The following COL25A1 variants were observed in gnomAD, a reference collection of about 807,000 sequenced individuals.
COL25A1 encodes the protein collagen type XXV alpha 1 chain.
COL25A1 carries 103 observed loss-of-function variants against 128.4 expected under a neutral mutation model. The observed-to-expected ratio is 0.80, with a 90% CI of 0.68 to 0.94. The LOEUF (loss-of-function observed/expected upper bound fraction) is 0.94, where lower values mean the gene tolerates loss of function less well. Among genes scored for constraint, COL25A1 ranks in the 40% least tolerant of loss-of-function variants. COL25A1 has a pLI of 0.00. For missense variants in COL25A1, 745 were observed against 840.0 expected (o/e 0.89, Z 1.40); for synonymous variants, 279 against 277.2 (o/e 1.01, Z -0.06).
intron 3 of COL25A1, among the ~76,000 whole-genome samples, chr4:109,124,408 T>C (rs1229587005): frequency 6.6e-6 from 1 of 152,082 alleles, no homozygotes; most frequent in East Asian, 1.9e-4. Flanking sequence ...TTAAAATATA[T>C]GATTTTGTGA....
intron 19 of COL25A1, among the ~76,000 whole-genome samples, chr4:108,870,817 T>C (rs1333312262): frequency 6.6e-6 from 1 of 152,230 alleles, no homozygotes; most frequent in East Asian, 1.9e-4. Context: ...TGGTAACAAC[T>C]TACTGTCAGG....
chr4:109,126,247 G>T (rs994871996), intron 3 of COL25A1, among the ~76,000 whole-genome samples: 14 of 152,054 alleles, frequency 9.2e-5, no homozygotes, highest in Non-Finnish European at 5.9e-5. Flanking sequence ...TTTCTAAAAA[G>T]ACAAACGTAG....
At chr4:108,976,831 A>G (rs539892248) in intron 6 of COL25A1, among the ~76,000 whole-genome samples, 1 of 152,306 alleles carries the variant, frequency 6.6e-6, no homozygotes, top group Non-Finnish European at 1.5e-5. Flanking sequence ...AATTACCATA[A>G]AATTACTAAT....
intron 8 of COL25A1, among the ~76,000 whole-genome samples, chr4:108,950,828 A>G (rs1233745754): frequency 1.3e-5 from 2 of 152,232 alleles, no homozygotes; most frequent in African/African-American, 4.8e-5. Context: ...CAGGGTTTCA[A>G]ATCTAATGGG....
At chr4:109,114,440 C>G (rs1767328456) in intron 3 of COL25A1, among the ~76,000 whole-genome samples, 1 of 151,950 alleles carries the variant, frequency 6.6e-6, no homozygotes, top group South Asian at 2.1e-4. Flanking sequence ...TCAAAAAGAG[C>G]CTTCTCAAAG....
intron 3 of COL25A1, among the ~76,000 whole-genome samples, chr4:109,161,466 C>T (rs1184758662): frequency 6.6e-6 from 1 of 152,050 alleles, no homozygotes; most frequent in African/African-American, 2.4e-5. Flanking sequence ...CATCAAGTAA[C>T]ATTATATTGT....
intron 3 of COL25A1, among the ~76,000 whole-genome samples, chr4:109,142,311 T>C (rs946027066): frequency 6.6e-6 from 1 of 152,168 alleles, no homozygotes; most frequent in Non-Finnish European, 1.5e-5. Flanking sequence ...ATTTTTTGCA[T>C]TTGCTGAGGA....
chr4:108,852,274 G>C lies in COL25A1; in HGVS notation c.1351C>G (p.Pro451Ala), dbSNP rs748730993. ...RITTLTVTGP[P>A]GPPGPQGLQG... ...AGTCCTTGAGGTCCAGGAGGTCCAG[G>C]GGGACCCTAAATCAAGAAAAAGCAC... Residue 451 changes from proline (P) to alanine (A), a missense_variant, in exon 26 of 38, where the codon CCT becomes GCT. By Grantham distance (27) the Pro-to-Ala change is conservative (BLOSUM62 -1). This residue lies in a region of COL25A1 where 387 missense variants were observed against 441.9 expected (regional missense o/e 0.88). Transcript: ENST00000399132. 1 of 1,590,136 alleles carries C rather than the reference G, an allele frequency of 6.3e-7. No homozygotes were observed. The highest frequency in any genetic ancestry group is 1.9e-5 in the Admixed American group (1 of 52,514).
chr4:109,238,789 A>T (rs1189513798), intron 3 of COL25A1, among the ~76,000 whole-genome samples: 2 of 151,962 alleles, frequency 1.3e-5, no homozygotes, highest in African/African-American at 4.8e-5. Context: ...CTTGGTCCAG[A>T]TTCCAGAGGG....
chr4:109,090,503 A>T (rs1426918123), intron 3 of COL25A1, among the ~76,000 whole-genome samples: 1 of 152,216 alleles, frequency 6.6e-6, no homozygotes, highest in Non-Finnish European at 1.5e-5. Flanking sequence ...CAGAATTTAA[A>T]ATTAAAATAT....
chr4:109,067,380 T>A (rs1383180819), intron 3 of COL25A1, among the ~76,000 whole-genome samples: 1 of 152,180 alleles, frequency 6.6e-6, no homozygotes, highest in East Asian at 1.9e-4. Flanking sequence ...CGGGGTCCCC[T>A]ACCCCAGCAC....
chr4:109,202,611 A>T (rs1031931786), intron 3 of COL25A1, among the ~76,000 whole-genome samples: 1 of 152,168 alleles, frequency 6.6e-6, no homozygotes, highest in Admixed American at 6.6e-5. Context: ...AAAACCAAAA[A>T]CTTGGACTTC....
intron 3 of COL25A1, among the ~76,000 whole-genome samples, chr4:109,182,979 T>C (rs990626203): frequency 1.3e-5 from 2 of 152,070 alleles, no homozygotes; most frequent in Admixed American, 1.3e-4. Flanking sequence ...ATCAAAATCC[T>C]TTTTGTTCCC....
At chr4:108,872,112 C>T (rs1295232860) in intron 19 of COL25A1, among the ~76,000 whole-genome samples, 4 of 152,092 alleles carry the variant, frequency 2.6e-5, no homozygotes, top group Non-Finnish European at 1.5e-5. Context: ...CATGAATACA[C>T]GGAGTATGAA....
chr4:109,245,819 A>G (rs1344913934), intron 3 of COL25A1, among the ~76,000 whole-genome samples: 1 of 152,076 alleles, frequency 6.6e-6, no homozygotes, highest in Non-Finnish European at 1.5e-5. Context: ...AGGTAGCAGC[A>G]AAAAAACAAC....
At chr4:109,140,762 G>C (rs1186872440) in intron 3 of COL25A1, among the ~76,000 whole-genome samples, 1 of 152,180 alleles carries the variant, frequency 6.6e-6, no homozygotes, top group Non-Finnish European at 1.5e-5. Flanking sequence ...AGGAATGCTT[G>C]TGACTTTTGC....
intron 8 of COL25A1, among the ~76,000 whole-genome samples, chr4:108,950,434 T>C (rs1360215274): frequency 6.6e-6 from 1 of 152,180 alleles, no homozygotes; most frequent in Non-Finnish European, 1.5e-5. Flanking sequence ...AAGATTCCCA[T>C]GCCCCATAGG....
chr4:109,137,288 AT>A (rs1769881358), intron 3 of COL25A1, among the ~76,000 whole-genome samples: 1 of 152,248 alleles, frequency 6.6e-6, no homozygotes, highest in Non-Finnish European at 1.5e-5. Flanking sequence ...TAAGCTTGAA[AT>A]AAAAATCTGG....
intron 3 of COL25A1, among the ~76,000 whole-genome samples, chr4:109,232,827 T>C (rs901329720): frequency 6.6e-6 from 1 of 152,150 alleles, no homozygotes; most frequent in African/African-American, 2.4e-5. Context: ...CTTAAAAGCA[T>C]CAGTGACAAA....
Sources: gnomAD v4.1 joint callset for allele counts (sites outside exome capture counted in the v4.1 genomes callset) on GRCh38, gnomAD v4.1.1 for gene constraint, gnomAD v4.1.1 regional missense constraint, MANE v1.5 for transcripts, NCBI Gene and HGNC (gene_info 2026-07-23, HGNC 2026-07-21) for gene names.